CALML4: variants seen among roughly 807,000 people sequenced by gnomAD.
The protein encoded by CALML4 is calmodulin like 4, also known as calmodulin-like protein 4.
CALML4 carries 16 observed loss-of-function variants against 17.9 expected under a neutral mutation model. The ratio of observed to expected loss-of-function variants is 0.89; its 90% CI spans 0.61 to 1.36. The LOEUF (loss-of-function observed/expected upper bound fraction) is 1.36. Ranked by LOEUF, CALML4 falls within the 40% of genes most tolerant of loss-of-function variation. The pLI is 0.00. For missense variants in CALML4, 203 were observed against 194.8 expected (o/e 1.04, Z -0.25); for synonymous variants, 86 against 71.5 (o/e 1.20, Z -1.02).
In CALML4 at chr15:68,200,029, T is replaced by G; in HGVS notation, c.35-348A>C. The G allele has an allele frequency of 1.2e-5, 2 of 162,688 alleles. No homozygotes were observed. Among genetic ancestry groups the G allele is most frequent in the Non-Finnish European group, 1.3e-5 (1 of 75,016 alleles). 10.1% of individuals were successfully genotyped at this position (162,688 alleles called of 1,614,324 possible). A position where few individuals can be genotyped will look rare whatever the true frequency, so the allele number is the denominator to read the frequency against. On this transcript the variant is annotated intron_variant, in intron 2 of 4. Coordinates refer to ENST00000467889, the MANE Select transcript of CALML4 (RefSeq NM_033429.3). The surrounding 1 kb of genome is among the most constrained non-coding windows in gnomAD (Gnocchi z 4.3). ...CCTTTCTCCCTACTCCCTCCCTTCC[T>G]TCTCCCTCCCCCTCCCCGCCAACCC...
Position 68,190,804 on chromosome 15 carries a change from A to G in CALML4, c.*3211T>C, listed in dbSNP as rs1466108099. On this transcript the variant is annotated 3_prime_UTR_variant, in exon 5 of 5. Coordinates refer to ENST00000467889, the MANE Select transcript of CALML4 (RefSeq NM_033429.3). This position sits in a 1 kb window ranked among gnomAD's most constrained non-coding sequence, Gnocchi z 4.7. ...AGAACCATGCCATACTTGGTTGACT[A>G]TTTTGAGCATTAAAATTGCTTTACT... 1.3e-5 allele frequency: 2 copies of G among 152,136 alleles called. No individual in the cohort carries two copies. Among genetic ancestry groups the G allele is most frequent in the Non-Finnish European group, 2.9e-5 (2 of 68,034 alleles). 9.4% of individuals were successfully genotyped at this position (152,136 alleles called of 1,614,324 possible). A position where few individuals can be genotyped will look rare whatever the true frequency, so the allele number is the denominator to read the frequency against.
rs1251548838 is a variant in CALML4, at chr15:68,204,764, C to T, written c.34+357G>A. 6.6e-6 allele frequency among the ~76,000 whole-genome samples: 1 copy of T among 152,136 alleles called. No individual in the cohort carries two copies. The highest frequency in any genetic ancestry group is 6.5e-5 in the Admixed American group (1 of 15,276). Reference sequence around the variant, plus strand: ...CCTGGCCTCTGTTCTGTCTCAATTACAAAGCCCCTCCTCTTTCCCTGCTGC... The same window carrying T: ...CCTGGCCTCTGTTCTGTCTCAATTATAAAGCCCCTCCTCTTTCCCTGCTGC... On this transcript the variant is annotated intron_variant, in intron 2 of 4. Transcript: ENST00000467889. This position sits in a 1 kb window ranked among gnomAD's most constrained non-coding sequence, Gnocchi z 6.0.
upstream of CALML4, chr15:68,206,070 C>T (rs1451742814): frequency 6.6e-6 from 1 of 152,400 alleles, no homozygotes; most frequent in African/African-American, 2.4e-5. Flanking sequence ...CAGGAAGGCT[C>T]CCCTTTTCTT....
At chr15:68,205,649 C>T (rs1021199285), upstream of CALML4, 29 of 450,802 alleles carry the variant, frequency 6.4e-5, no homozygotes, top group South Asian at 2.3e-4. The surrounding 1 kb of genome is among the most constrained non-coding windows in gnomAD (Gnocchi z 4.8). Context: ...CTTTACACCC[C>T]GGGTCGTATT....
intron 4 of CALML4, among the ~76,000 whole-genome samples, chr15:68,195,046 CAAAA>C (rs35627887): frequency 3.8e-5 from 5 of 130,698 alleles, no homozygotes; most frequent in Non-Finnish European, 8.4e-5. Context: ...TCCATCACTC[CAAAA>C]AAAAAAAAAA....
At chr15:68,205,496 TCA>T, upstream of CALML4, 1 of 1,246,926 alleles carries the variant, frequency 8.0e-7, no homozygotes, top group South Asian at 1.4e-5. This position sits in a 1 kb window ranked among gnomAD's most constrained non-coding sequence, Gnocchi z 4.8. Flanking sequence ...CTCCCTGGGC[TCA>T]GAGTCTCTGC....
Position 68,193,835 on chromosome 15 carries a change from T to C in CALML4, c.*180A>G, listed in dbSNP as rs936727979. 1.4e-5 allele frequency: 8 copies of C among 576,656 alleles called. No individual in the cohort carries two copies. The highest frequency in any genetic ancestry group is 2.5e-5 in the Non-Finnish European group (8 of 322,512). 35.7% of individuals were successfully genotyped at this position (576,656 alleles called of 1,614,324 possible). A position where few individuals can be genotyped will look rare whatever the true frequency, so the allele number is the denominator to read the frequency against. The stretch of plus-strand genomic sequence containing the variant: ...ATCAATACAAATCTTTTATTAAAGA[T>C]CTACTCATACCATGGCTGAAATCAT... On this transcript the variant is annotated 3_prime_UTR_variant, in exon 5 of 5. Coordinates refer to ENST00000467889, the MANE Select transcript of CALML4 (RefSeq NM_033429.3).
At position 68,192,042 on chromosome 15, in the gene CALML4, A is replaced by G. The variant is rs2093122681; in HGVS notation, c.*1973T>C. 1 of 151,924 alleles carries G rather than the reference A, an allele frequency of 6.6e-6. No homozygotes were observed. 9.4% of individuals were successfully genotyped at this position (151,924 alleles called of 1,614,324 possible). On this transcript the variant is annotated 3_prime_UTR_variant, in exon 5 of 5. Transcript: ENST00000467889. ...TGGGACTATTCAGTGATAAATATAG[A>G]CATAGAAAAGCTTTGACGGAAAGTA...
Position 68,194,040 on chromosome 15 carries a change from A to T in CALML4, c.437T>A (p.Ile146Asn). 1 of 1,613,992 alleles carries T rather than the reference A, an allele frequency of 6.2e-7. No homozygotes were observed. The highest frequency in any genetic ancestry group is 8.5e-7 in the Non-Finnish European group (1 of 1,179,888). ...TCAATAGTCCCGTCCAGGAAGGGTG[A>T]TCTTGTGGATAAATTCATCATACTT... ...KVKYDEFIHK[I>N]TLPGRDY Residue 146 changes from isoleucine (I) to asparagine (N), a missense_variant, in exon 5 of 5, where the codon ATC becomes AAC. Physicochemically the swap from Ile to Asn is moderately radical, Grantham distance 149. Coordinates refer to ENST00000467889, the MANE Select transcript of CALML4 (RefSeq NM_033429.3).
intron 4 of CALML4, among the ~76,000 whole-genome samples, chr15:68,195,011 A>T (rs867023253): frequency 2.6e-5 from 4 of 151,700 alleles, no homozygotes; most frequent in Non-Finnish European, 2.9e-5. Context: ...AGCTCACAGT[A>T]TACAAAACAA....
In CALML4 at chr15:68,192,072, CATTT is replaced by C. The variant is rs1430976115; in HGVS notation, c.*1939_*1942del. On this transcript the variant is annotated 3_prime_UTR_variant, in exon 5 of 5. Transcript: ENST00000467889. ...GAAAAGCTTTGACGGAAAGTACCCT[CATTT>C]ATTATATCCAGAACTTGCTCTTCCT... 6.6e-6 allele frequency: 1 copy of C among 152,240 alleles called. No individual in the cohort carries two copies. The highest frequency in any genetic ancestry group is 1.5e-5 in the Non-Finnish European group (1 of 68,050). 9.4% of individuals were successfully genotyped at this position (152,240 alleles called of 1,614,324 possible).
At chr15:68,205,378 G>A (rs1323917699), upstream of CALML4, 8 of 1,613,610 alleles carry the variant, frequency 5.0e-6, no homozygotes, top group Admixed American at 3.3e-5. This position sits in a 1 kb window ranked among gnomAD's most constrained non-coding sequence, Gnocchi z 4.8. Context: ...GGCTGCCATG[G>A]AGACTGGGCC....
At chr15:68,195,569 C>CCAT (rs1348896208) in intron 4 of CALML4, among the ~76,000 whole-genome samples, 2 of 152,126 alleles carry the variant, frequency 1.3e-5, no homozygotes, top group East Asian at 1.9e-4. Flanking sequence ...GCCTTTCACT[C>CCAT]CATCTCACTT....
intron 4 of CALML4, among the ~76,000 whole-genome samples, chr15:68,196,659 T>C (rs1294794424): frequency 6.6e-6 from 1 of 151,584 alleles, no homozygotes. Context: ...GGCAGGAGGG[T>C]CCGCAGGCTG....
At chr15:68,194,257 C>A (rs925306722) in intron 4 of CALML4, 145 bp from the exon 5 acceptor site, 7 of 623,192 alleles carry the variant, frequency 1.1e-5, no homozygotes, top group African/African-American at 1.1e-4. Context: ...AACCAGTGAA[C>A]AGAAAGGGAC....
Position 68,197,403 on chromosome 15 carries a change from C to T in CALML4, c.364+37G>A, listed in dbSNP as rs764173580. 5.0e-6 allele frequency: 8 copies of T among 1,598,678 alleles called. No homozygotes were observed. Among genetic ancestry groups the T allele is most frequent in the Non-Finnish European group, 5.1e-6 (6 of 1,171,556 alleles). ...GTGCCCTCCTTCCAACTCCCTAACC[C>T]CCTCCAACTGTTGGGAGACAGGACC... On this transcript the variant is annotated intron_variant, in intron 4 of 4. Coordinates refer to ENST00000467889, the MANE Select transcript of CALML4 (RefSeq NM_033429.3). The surrounding 1 kb of genome is among the most constrained non-coding windows in gnomAD (Gnocchi z 4.1).
chr15:68,199,766 CTT>C (rs1478916418), intron 2 of CALML4, 85 bp from the exon 3 acceptor site: 5 of 1,452,904 alleles, frequency 3.4e-6, no homozygotes, highest in East Asian at 4.8e-5. Flanking sequence ...TCTTCTCCCT[CTT>C]TTCCCCTTCC....
chr15:68,190,802 C>T lies in CALML4; in HGVS notation c.*3213G>A, dbSNP rs1370008335. On this transcript the variant is annotated 3_prime_UTR_variant, in exon 5 of 5. Transcript: ENST00000467889. The surrounding 1 kb of genome is among the most constrained non-coding windows in gnomAD (Gnocchi z 4.7). ...CCAGAACCATGCCATACTTGGTTGA[C>T]TATTTTGAGCATTAAAATTGCTTTA... 69 of 151,798 alleles carry T rather than the reference C, an allele frequency of 4.5e-4. 1 individual carries two copies. Among genetic ancestry groups the T allele is most frequent in the Admixed American group, 4.5e-3 (69 of 15,244 alleles). 9.4% of individuals were successfully genotyped at this position (151,798 alleles called of 1,614,324 possible).
Position 68,197,542 on chromosome 15 carries a change from G to C in CALML4, c.262C>G (p.Leu88Val), listed in dbSNP as rs769073577. The C allele has an allele frequency of 8.7e-6, 14 of 1,614,012 alleles. No individual in the cohort carries two copies. The highest frequency in any genetic ancestry group is 1.1e-5 in the Non-Finnish European group (13 of 1,180,010). The change falls in exon 4 of 5, where the codon CTA (leucine) becomes GTA (valine). Residue 88 changes from leucine (L) to valine (V), a missense_variant. By Grantham distance (32) the Leu-to-Val change is conservative (BLOSUM62 1). Coordinates refer to ENST00000467889, the MANE Select transcript of CALML4 (RefSeq NM_033429.3). This position sits in a 1 kb window ranked among gnomAD's most constrained non-coding sequence, Gnocchi z 4.1. ...TCCTTGTCCACCATCAACATGGCTAGAAGAATTTCTTTCTTTGGGTCTTCT... is the reference window on the plus strand; with the variant it reads ...TCCTTGTCCACCATCAACATGGCTACAAGAATTTCTTTCTTTGGGTCTTCT... The part of the protein sequence containing the change: ...KQEDPKKEIL[L>V]AMLMVDKEKK...
Sources: gnomAD v4.1 joint callset for allele counts (sites outside exome capture counted in the v4.1 genomes callset) on GRCh38, gnomAD v4.1.1 for gene constraint, Gnocchi (gnomAD v3.1) non-coding constraint, MANE v1.5 for transcripts, NCBI Gene and HGNC (gene_info 2026-07-23, HGNC 2026-07-21) for gene names.